The following SDK2 variants were observed in gnomAD, a reference collection of about 807,000 sequenced individuals.
SDK2 encodes the protein sidekick cell adhesion molecule 2, also known as protein sidekick-2.
Under a neutral mutation model 253.9 loss-of-function variants are expected in SDK2, and 105 were observed. The ratio of observed to expected loss-of-function variants is 0.41; its 90% confidence interval spans 0.35 to 0.49. SDK2 has a LOEUF of 0.49. Ranked by LOEUF, SDK2 falls within the 20% of genes least tolerant of loss-of-function variation. SDK2 has a pLI of 0.06. For missense variants in SDK2, 2,608 were observed against 3,003.0 expected (o/e 0.87, Z 3.07); for synonymous variants, 1,249 against 1,234.9 (o/e 1.01, Z -0.24).
At chr17:73,392,119 A>G (rs2062933178) in intron 27 of SDK2, among the ~76,000 whole-genome samples, 1 of 144,550 alleles carries the variant, frequency 6.9e-6, no homozygotes, top group Non-Finnish European at 1.5e-5. Flanking sequence ...AGCGGTAGCT[A>G]TTTTGCAGGT....
At chr17:73,490,584 G>A (rs539335145) in intron 2 of SDK2, among the ~76,000 whole-genome samples, 16 of 140,386 alleles carry the variant, frequency 1.1e-4, no homozygotes, top group Admixed American at 4.5e-4. Flanking sequence ...CTGGAGTGCA[G>A]TGGGGTAATC....
At chr17:73,548,058 G>A (rs1007947864) in intron 1 of SDK2, among the ~76,000 whole-genome samples, 1 of 152,148 alleles carries the variant, frequency 6.6e-6, no homozygotes, top group Non-Finnish European at 1.5e-5. Flanking sequence ...TACGAGAACG[G>A]CGTGATCCAA....
At position 73,358,083 on chromosome 17, in the gene SDK2, A is replaced by C; in HGVS notation, c.5589T>G (p.Pro1863=). ...GCCCAGCAGGGCGGGGCGCACCTGAAGGTCTGGCCTCGATGACGTAGCGGG... is the reference window on the plus strand; with the variant it reads ...GCCCAGCAGGGCGGGGCGCACCTGACGGTCTGGCCTCGATGACGTAGCGGG... The part of the protein sequence containing the change: ...PITRYVIEAR[P]SDEGLWDILI... Residue 1863 remains proline, a synonymous_variant, in exon 40 of 45, where the codon CCT becomes CCG. Transcript: ENST00000392650. 6.2e-7 allele frequency: 1 copy of C among 1,613,062 alleles called. No individual in the cohort carries two copies. The highest frequency in any genetic ancestry group is 1.3e-5 in the African/African-American group (1 of 75,042).
intron 18 of SDK2, among the ~76,000 whole-genome samples, chr17:73,413,149 C>T (rs2063153275): frequency 6.6e-6 from 1 of 152,130 alleles, no homozygotes; most frequent in African/African-American, 2.4e-5. Flanking sequence ...CCAGTGCTCA[C>T]ATTACCACCT....
chr17:73,640,329 G>A (rs1242513996), intron 1 of SDK2, among the ~76,000 whole-genome samples: 3 of 152,076 alleles, frequency 2.0e-5, no homozygotes, highest in African/African-American at 7.2e-5. Flanking sequence ...TGTAGCCTCT[G>A]GGTGGGGGTC....
intron 1 of SDK2, among the ~76,000 whole-genome samples, chr17:73,509,694 T>A (rs1599634538): frequency 7.1e-6 from 1 of 140,792 alleles, no homozygotes; most frequent in African/African-American, 2.7e-5. Context: ...AGATCAGGAG[T>A]AACACGGTGC....
chr17:73,420,123 G>T (rs887539796), intron 15 of SDK2, among the ~76,000 whole-genome samples: 2 of 152,200 alleles, frequency 1.3e-5, no homozygotes, highest in Admixed American at 6.5e-5. Flanking sequence ...GAGGGAGAGA[G>T]CCAAGGACAC....
intron 1 of SDK2, among the ~76,000 whole-genome samples, chr17:73,550,621 G>A (rs544266123): frequency 4.5e-4 from 68 of 152,268 alleles, no homozygotes; most frequent in African/African-American, 1.2e-3. Flanking sequence ...CCTGCCACAC[G>A]TCTCTTCCTG....
Position 73,570,189 on chromosome 17 carries a change from C to A in SDK2, c.65-62592G>T, listed in dbSNP as rs2045364353. On this transcript the variant is annotated intron_variant, in intron 1 of 44. Coordinates refer to ENST00000392650, the MANE Select transcript of SDK2 (RefSeq NM_001144952.2). This position sits in a 1 kb window ranked among gnomAD's most constrained non-coding sequence, Gnocchi z 4.2. ...ACACAGGGCGACCACCCCAGGGGCCCAGCCTTGCTACCTCCCCTCCCTGTT... is the reference window on the plus strand; with the variant it reads ...ACACAGGGCGACCACCCCAGGGGCCAAGCCTTGCTACCTCCCCTCCCTGTT... Among the ~76,000 whole-genome samples, 1 of 152,102 alleles carries A rather than the reference C, an allele frequency of 6.6e-6. No homozygotes were observed. The highest frequency in any genetic ancestry group is 6.5e-5 in the Admixed American group (1 of 15,284).
chr17:73,401,218 A>C lies in SDK2; in HGVS notation c.2780-7T>G, dbSNP rs1260202686. 6.5e-6 allele frequency: 10 copies of C among 1,541,098 alleles called. No individual in the cohort carries two copies. Among genetic ancestry groups the C allele is most frequent in the Non-Finnish European group, 6.1e-6 (7 of 1,139,762 alleles). On this transcript the variant is annotated splice_region_variant and splice_polypyrimidine_tract_variant and intron_variant, in intron 20 of 44. Transcript: ENST00000392650. The stretch of plus-strand genomic sequence containing the variant: ...TCCCAGGAGATCCGGTACCCTGGGG[A>C]GAGCCGCCGTGTTGGCATGAGCTTG...
At chr17:73,571,011 G>A (rs909125193) in intron 1 of SDK2, among the ~76,000 whole-genome samples, 5 of 152,124 alleles carry the variant, frequency 3.3e-5, no homozygotes, top group Admixed American at 3.3e-4. Context: ...TGAAACTCCA[G>A]AGAACGAACT....
chr17:73,607,474 T>C (rs62063619), intron 1 of SDK2, among the ~76,000 whole-genome samples: 1,741 of 152,084 alleles, frequency 0.011, 13 homozygotes, highest in Non-Finnish European at 0.019. Flanking sequence ...AGACAAAGAT[T>C]GCTGCCCCTG....
chr17:73,622,034 C>A (rs1174560073), intron 1 of SDK2, among the ~76,000 whole-genome samples: 1 of 152,228 alleles, frequency 6.6e-6, no homozygotes, highest in Non-Finnish European at 1.5e-5. Flanking sequence ...CAGTTCTCAG[C>A]TACCCGTCCT....
intron 28 of SDK2, among the ~76,000 whole-genome samples, chr17:73,391,207 G>T (rs868330132): frequency 6.6e-6 from 1 of 152,190 alleles, no homozygotes; most frequent in South Asian, 2.1e-4. Flanking sequence ...ATTTGGGGAC[G>T]CAAAGCCAAC....
chr17:73,433,672 T>C, intron 10 of SDK2, 60 bp downstream of exon 10: 1 of 1,305,746 alleles, frequency 7.7e-7, no homozygotes, highest in African/African-American at 1.5e-5. Flanking sequence ...CAGAGCCTAG[T>C]TCTGAAGACT....
At chr17:73,384,705 G>T (rs1030116093) in intron 32 of SDK2, among the ~76,000 whole-genome samples, 5 of 152,192 alleles carry the variant, frequency 3.3e-5, no homozygotes, top group African/African-American at 1.2e-4. Flanking sequence ...CTGTAGTCTT[G>T]CTTGGAAGGC....
At position 73,361,723 on chromosome 17, in the gene SDK2, G is replaced by A; in HGVS notation, c.5428C>T (p.Pro1810Ser). The change falls in exon 39 of 45, where the codon CCG becomes TCG. Residue 1810 changes from proline (P) to serine (S), a missense_variant. Physicochemically the swap from Pro to Ser is moderately conservative, Grantham distance 74 (BLOSUM62 -1). Around this residue, in one of 2 missense-constraint regions of SDK2, gnomAD observed 1,103 missense variants for 1,143.9 expected, o/e 0.96. Coordinates refer to ENST00000392650, the MANE Select transcript of SDK2 (RefSeq NM_001144952.2). This position sits in a 1 kb window ranked among gnomAD's most constrained non-coding sequence, Gnocchi z 4.1. ...GTGGTGACGTTGGCTTCGATCTCCGGCCCGTAGGTGAAGGTCTTGGCTCTG... is the reference window on the plus strand; with the variant it reads ...GTGGTGACGTTGGCTTCGATCTCCGACCCGTAGGTGAAGGTCTTGGCTCTG... ...RIRAKTFTYG[P>S]EIEANVTTGP... The A allele has an allele frequency of 6.2e-7, 1 of 1,612,814 alleles. No individual in the cohort carries two copies. The highest frequency in any genetic ancestry group is 1.1e-5 in the South Asian group (1 of 91,036).
At chr17:73,527,632 C>A (rs147306023) in intron 1 of SDK2, among the ~76,000 whole-genome samples, 1 of 152,172 alleles carries the variant, frequency 6.6e-6, no homozygotes, top group South Asian at 2.1e-4. Context: ...GATAAGAAGG[C>A]CCTGAAGTGA....
Position 73,447,791 on chromosome 17 carries a change from C to T in SDK2, c.480-43G>A. 3.2e-6 allele frequency: 5 copies of T among 1,550,436 alleles called. No individual in the cohort carries two copies. The highest frequency in any genetic ancestry group is 4.4e-6 in the Non-Finnish European group (5 of 1,146,080). Reference sequence around the variant, plus strand: ...ATTCCTCTGACAGGGGCCTAAGGGGCTCTGAACCTCCAGGGAGTGGGAGTG... The same window carrying T: ...ATTCCTCTGACAGGGGCCTAAGGGGTTCTGAACCTCCAGGGAGTGGGAGTG... On this transcript the variant is annotated intron_variant, in intron 4 of 44. Transcript: ENST00000392650. The surrounding 1 kb of genome is among the most constrained non-coding windows in gnomAD (Gnocchi z 4.0).
Sources: gnomAD v4.1 joint callset for allele counts (sites outside exome capture counted in the v4.1 genomes callset) on GRCh38, gnomAD v4.1.1 for gene constraint, gnomAD v4.1.1 regional missense constraint, Gnocchi (gnomAD v3.1) non-coding constraint, MANE v1.5 for transcripts, NCBI Gene and HGNC (gene_info 2026-07-23, HGNC 2026-07-21) for gene names.